The following PLCB4 variants were observed in gnomAD, a reference collection of about 807,000 sequenced individuals.
PLCB4 encodes the protein 1-phosphatidylinositol 4,5-bisphosphate phosphodiesterase beta-4.
Under a neutral mutation model 178.8 loss-of-function variants are expected in PLCB4, and 77 were observed. The observed-to-expected ratio is 0.43, with a 90% confidence interval of 0.36 to 0.52. The LOEUF (loss-of-function observed/expected upper bound fraction) is 0.52. Among genes scored for constraint, PLCB4 ranks in the 20% least tolerant of loss-of-function variants. PLCB4 has a pLI of 0.00. For synonymous variants in PLCB4, 496 were observed against 490.8 expected, an observed-to-expected ratio of 1.01 and a Z score of -0.14; for missense variants, 1,024 against 1,453.4, an observed-to-expected ratio of 0.70 and a Z score of 4.80.
chr20:9,463,593 CAAAAAAAA>C (rs145361980), intron 35 of PLCB4, among the ~76,000 whole-genome samples: 1 of 49,694 alleles, frequency 2.0e-5, no homozygotes, highest in Non-Finnish European at 3.7e-5. Context: ...AAATGGAAAG[CAAAAAAAA>C]AAAAAAAAAA....
chr20:9,421,443 G>A lies in PLCB4; in HGVS notation c.2301G>A (p.Glu767=). 6.2e-7 allele frequency: 1 copy of A among 1,613,252 alleles called. No individual in the cohort carries two copies. The highest frequency in any genetic ancestry group is 1.1e-5 in the South Asian group (1 of 90,936). Reference sequence around the variant, plus strand: ...GACTCAATCCAGTTTACAATGAAGAGTCATTTGTATTTCGGAAGGTAGGAC... The same window carrying A: ...GACTCAATCCAGTTTACAATGAAGAATCATTTGTATTTCGGAAGGTAGGAC... The part of the protein sequence containing the change: ...NNGLNPVYNE[E]SFVFRKVILP... Residue 767 remains glutamate (E), a synonymous_variant, in exon 27 of 40, where the codon GAG becomes GAA. Transcript: ENST00000378473.
At chr20:9,179,255 A>T (rs1309129643) in intron 2 of PLCB4, among the ~76,000 whole-genome samples, 1 of 152,176 alleles carries the variant, frequency 6.6e-6, no homozygotes, top group African/African-American at 2.4e-5. Flanking sequence ...ATGGTAAACC[A>T]GGAACAAGTA....
intron 30 of PLCB4, among the ~76,000 whole-genome samples, chr20:9,439,316 T>G (rs893849289): frequency 6.6e-6 from 1 of 152,322 alleles, no homozygotes. Context: ...TCCTGAAGCC[T>G]GAGCAGGCTT....
chr20:9,083,443 A>G (rs1158508721), intron 1 of PLCB4, among the ~76,000 whole-genome samples: 2 of 152,058 alleles, frequency 1.3e-5, no homozygotes, highest in East Asian at 3.9e-4. Flanking sequence ...TAAGAAATGG[A>G]GCCAATTCTT....
chr20:9,408,615 T>A lies in PLCB4; in HGVS notation c.1790-18T>A. 7.5e-7 allele frequency: 1 copy of A among 1,327,014 alleles called. No individual in the cohort carries two copies. Among genetic ancestry groups the A allele is most frequent in the South Asian group, 1.2e-5 (1 of 83,970 alleles). 82.2% of individuals were successfully genotyped at this position (1,327,014 alleles called of 1,614,324 possible). A position where few individuals can be genotyped will look rare whatever the true frequency, so the allele number is the denominator to read the frequency against. On this transcript the variant is annotated intron_variant, in intron 22 of 39. Coordinates refer to ENST00000378473, the MANE Select transcript of PLCB4 (RefSeq NM_001377142.1). ...TGATGGCAGAGTTCCTGAATCCATC[T>A]TTGCTTTTCTTTTACAGAACGCAAT...
At chr20:9,438,077 C>A (rs547239080) in intron 30 of PLCB4, among the ~76,000 whole-genome samples, 21 of 152,180 alleles carry the variant, frequency 1.4e-4, no homozygotes, top group African/African-American at 5.1e-4. Flanking sequence ...AATAAGTTGG[C>A]AGCTTGAGGC....
At position 9,313,529 on chromosome 20, in the gene PLCB4, A is replaced by T. The variant is rs117108697; in HGVS notation, c.84+5631A>T. ...ATTTCAAATTTGGAGTTGGGGGAGA[A>T]AAAGTAGTGAAAATGCGTTAAGTGG... is the stretch of plus-strand genomic sequence containing the variant. On this transcript the variant is annotated intron_variant, in intron 4 of 39. Coordinates refer to ENST00000378473, the MANE Select transcript of PLCB4 (RefSeq NM_001377142.1). Among the ~76,000 whole-genome samples the T allele has an allele frequency of 2.0e-5, 3 of 152,346 alleles. No homozygotes were observed. In the East Asian group the frequency reaches 5.8e-4, roughly 29 times the overall value.
At chr20:9,468,518 A>T (rs2043959375) in intron 35 of PLCB4, 53 bp from the exon 36 acceptor site, 1 of 1,103,460 alleles carries the variant, frequency 9.1e-7, no homozygotes. Flanking sequence ...TACCCATTAA[A>T]CACAAACTCT....
chr20:9,070,533 A>G (rs143177184), intron 1 of PLCB4, among the ~76,000 whole-genome samples: 7 of 152,166 alleles, frequency 4.6e-5, no homozygotes, highest in Non-Finnish European at 1.0e-4. Context: ...GCTGTTTTTC[A>G]TAGGACAGTC....
chr20:9,280,411 T>C lies in PLCB4; in HGVS notation c.-15-27389T>C, dbSNP rs994924211. On this transcript the variant is annotated intron_variant, in intron 3 of 39. Transcript: ENST00000378473. ...AGGAAGACCTATCAAAGGACAAAGA[T>C]ATTGTGTTCTCCACTTCGATCTGAA... The C allele has an allele frequency of 3.1e-6, 3 of 973,384 alleles. No homozygotes were observed. In the African/African-American group the frequency reaches 5.3e-5, roughly 17 times the overall value. The allele number at this position is 973,384 out of a possible 1,614,324, so 60.3% of individuals were successfully genotyped here.
chr20:9,247,681 A>T (rs116551335), intron 3 of PLCB4, among the ~76,000 whole-genome samples: 1,993 of 152,240 alleles, frequency 0.013, 40 homozygotes, highest in African/African-American at 0.044. Flanking sequence ...CCACTTCCAA[A>T]GGGGCTTGAG....
chr20:9,111,830 C>T (rs2091583461), intron 2 of PLCB4, among the ~76,000 whole-genome samples: 1 of 152,132 alleles, frequency 6.6e-6, no homozygotes, highest in Non-Finnish European at 1.5e-5. Context: ...GGATTTTCTT[C>T]CATACAGAAA....
At chr20:9,203,874 C>T (rs534054841) in intron 2 of PLCB4, among the ~76,000 whole-genome samples, 1 of 137,964 alleles carries the variant, frequency 7.2e-6, no homozygotes, top group East Asian at 2.3e-4. Flanking sequence ...CCTGGAGCTT[C>T]TTCTTAGACC....
intron 2 of PLCB4, among the ~76,000 whole-genome samples, chr20:9,193,563 C>T (rs980734008): frequency 1.7e-4 from 26 of 151,998 alleles, no homozygotes; most frequent in African/African-American, 4.8e-5. Context: ...GGGTGCTAAG[C>T]GTGAGGGGAT....
rs11470548 is a variant in PLCB4 at position 9,241,389 on chromosome 20, T to TACAC, written c.-16+23964_-16+23967dup. 9.2e-3 allele frequency among the ~76,000 whole-genome samples: 1,364 copies of TACAC among 148,242 alleles called. 9 individuals are homozygous for TACAC. Among genetic ancestry groups the TACAC allele is most frequent in the Non-Finnish European group, 0.011 (729 of 66,354 alleles). ...TGGTAACAACAGAGGCATGCATGCA[T>TACAC]ACACACACACACACACACACACACA... On this transcript the variant is annotated intron_variant, in intron 3 of 39. Transcript: ENST00000378473.
intron 4 of PLCB4, among the ~76,000 whole-genome samples, chr20:9,308,177 T>C (rs1463601025): frequency 1.3e-5 from 2 of 152,206 alleles, no homozygotes; most frequent in African/African-American, 4.8e-5. Flanking sequence ...GCTATTAATA[T>C]TCTCAGTTTA....
intron 33 of PLCB4, among the ~76,000 whole-genome samples, chr20:9,455,954 G>A (rs947659100): frequency 6.6e-6 from 1 of 152,142 alleles, no homozygotes; most frequent in Admixed American, 6.6e-5. Flanking sequence ...TCCTGCCTCG[G>A]CTTCCTGAGT....
chr20:9,280,633 T>C (rs945458156), intron 3 of PLCB4, among the ~76,000 whole-genome samples: 2 of 151,990 alleles, frequency 1.3e-5, no homozygotes, highest in African/African-American at 2.4e-5. Flanking sequence ...TTGTGACTTA[T>C]TGATTTTGTA....
intron 3 of PLCB4, among the ~76,000 whole-genome samples, chr20:9,273,675 AGT>A (rs398035325): frequency 0.061 from 8,321 of 135,670 alleles, 353 homozygotes; most frequent in African/African-American, 0.14. Context: ...TTATGGTTGC[AGT>A]GTGTGTGTGT....
Sources: allele counts gnomAD v4.1 joint callset (sites outside exome capture counted in the v4.1 genomes callset), GRCh38; gene constraint gnomAD v4.1.1; transcripts MANE v1.5; gene names NCBI Gene and HGNC (gene_info 2026-07-23, HGNC 2026-07-21).